RIMKLB: variants seen among roughly 807,000 people sequenced by gnomAD.
The protein encoded by RIMKLB is beta-citrylglutamate synthase B.
In RIMKLB, 7 loss-of-function variants were observed where a neutral mutation model predicts 32.0. That is an observed-to-expected ratio of 0.22 (90% CI 0.12 to 0.41). RIMKLB has a LOEUF of 0.41. Ranked by LOEUF, RIMKLB falls within the 10% of genes least tolerant of loss-of-function variation. RIMKLB has a pLI of 1.00. For synonymous variants in RIMKLB, 172 were observed against 185.1 expected (o/e 0.93, Z 0.57); for missense variants, 289 against 498.7 (o/e 0.58, Z 4.00).
chr12:8,705,581 C>G (rs1052605761), intron 1 of RIMKLB, among the ~76,000 whole-genome samples: 1 of 151,922 alleles, frequency 6.6e-6, no homozygotes, highest in Non-Finnish European at 1.5e-5. Context: ...AATTGATGCC[C>G]AGTTGTCTGA....
chr12:8,758,384 G>T (rs1219112224), intron 5 of RIMKLB, among the ~76,000 whole-genome samples: 5 of 151,922 alleles, frequency 3.3e-5, no homozygotes, highest in African/African-American at 1.2e-4. Flanking sequence ...GCCTCCCAGA[G>T]TCCAGTGATT....
At chr12:8,747,507 TA>T (rs1323087923) in intron 2 of RIMKLB, among the ~76,000 whole-genome samples, 1 of 152,134 alleles carries the variant, frequency 6.6e-6, no homozygotes, top group Non-Finnish European at 1.5e-5. Flanking sequence ...GTTAATACCA[TA>T]AAAATTAATA....
At chr12:8,756,684 CTTTTTTT>C (rs145312687) in intron 5 of RIMKLB, among the ~76,000 whole-genome samples, 153 of 90,992 alleles carry the variant, frequency 1.7e-3, no homozygotes, top group Admixed American at 3.0e-3. Context: ...TTACTTTCTA[CTTTTTTT>C]TTTTTTTTTT....
chr12:8,736,958 T>C (rs1410709939), intron 2 of RIMKLB, among the ~76,000 whole-genome samples: 1 of 152,046 alleles, frequency 6.6e-6, no homozygotes, highest in Non-Finnish European at 1.5e-5. Flanking sequence ...ATTACAGGCA[T>C]GTGCCACCAC....
rs985847825 is a variant in RIMKLB at position 8,774,343 on chromosome 12, C to A, written c.*559C>A. On this transcript the variant is annotated 3_prime_UTR_variant, in exon 6 of 6. Transcript: ENST00000535829. ...GGGATTTCTTATTTTTTTGTTTTTT[C>A]CCGCTTAATTTGGTGGGAGGTCAAA... 56 of 985,304 alleles carry A rather than the reference C, an allele frequency of 5.7e-5. No individual in the cohort carries two copies. The highest frequency in any genetic ancestry group is 1.2e-4 in the Admixed American group (2 of 16,262). 61.0% of individuals were successfully genotyped at this position (985,304 alleles called of 1,614,324 possible).
At chr12:8,765,057 C>T (rs59235894) in intron 5 of RIMKLB, among the ~76,000 whole-genome samples, 10,009 of 151,484 alleles carry the variant, frequency 0.066, 1,074 homozygotes, top group African/African-American at 0.22. Context: ...AGGCACACTT[C>T]TGAAGTTTTT....
At chr12:8,674,491 G>C in the RIMKLB span, among the ~76,000 whole-genome samples, 2 of 150,132 alleles carry the variant, frequency 1.3e-5, no homozygotes, top group African/African-American at 4.9e-5. Flanking sequence ...CGCCTGCCTC[G>C]GCCTCCCAAA....
chr12:8,729,072 C>T (rs11836262), intron 2 of RIMKLB, among the ~76,000 whole-genome samples: 39,138 of 151,870 alleles, frequency 0.26, 5,211 homozygotes, highest in South Asian at 0.27. Context: ...ATACTGGCGC[C>T]GCCACAGTGT....
chr12:8,700,640 T>C (rs1473207271), intron 1 of RIMKLB: 3 of 152,238 alleles, frequency 2.0e-5, no homozygotes, highest in African/African-American at 7.2e-5. Context: ...TGTTGCTTGC[T>C]GACAACTGTT....
intron 1 of RIMKLB, among the ~76,000 whole-genome samples, chr12:8,711,848 C>G (rs1396471744): frequency 1.3e-5 from 2 of 152,108 alleles, no homozygotes; most frequent in African/African-American, 4.8e-5. Context: ...CATAGTATGT[C>G]TTTGGGTACA....
rs778100510 is a variant in RIMKLB, at chr12:8,698,289, C to G, written c.-65C>G. The stretch of plus-strand genomic sequence containing the variant: ...CGGCCGAGAGCGAGGGAGGAGCCCC[C>G]CGACCCAGGTGAGCGGTACGACCGC... On this transcript the variant is annotated 5_prime_UTR_variant, in exon 1 of 6. Transcript: ENST00000535829. The G allele has an allele frequency of 4.3e-5, 15 of 350,272 alleles. No individual in the cohort carries two copies. The highest frequency in any genetic ancestry group is 1.7e-4 in the South Asian group (9 of 52,448). The allele number at this position is 350,272 out of a possible 1,614,324, so 21.7% of individuals were successfully genotyped here. A position where few individuals can be genotyped will look rare whatever the true frequency, so the allele number is the denominator to read the frequency against.
chr12:8,702,003 C>T (rs1329669503), intron 1 of RIMKLB, among the ~76,000 whole-genome samples: 1 of 147,836 alleles, frequency 6.8e-6, no homozygotes, highest in Non-Finnish European at 1.5e-5. Flanking sequence ...AAGACTCCAT[C>T]TCAATAAAAA....
chr12:8,763,329 A>C (rs1244633436), intron 5 of RIMKLB, among the ~76,000 whole-genome samples: 2 of 152,206 alleles, frequency 1.3e-5, no homozygotes, highest in Non-Finnish European at 2.9e-5. Context: ...GGCAAGCTTA[A>C]CACTGGGGCT....
chr12:8,753,740 A>G lies in RIMKLB; in HGVS notation c.494-150A>G, dbSNP rs187448926. ...TCTTTATATATTTTTGTATTATTTC[A>G]CTGTTAAAACAGTTCTAACAAAGAA... On this transcript the variant is annotated intron_variant, in intron 4 of 5. Coordinates refer to ENST00000535829, the MANE Select transcript of RIMKLB (RefSeq NM_001297776.2). The G allele has an allele frequency of 5.0e-5, 31 of 624,492 alleles. No homozygotes were observed. The African/African-American group carries it at 5.7e-4, about 11-fold the overall frequency. The allele number at this position is 624,492 out of a possible 1,614,324, so 38.7% of individuals were successfully genotyped here.
intron 5 of RIMKLB, among the ~76,000 whole-genome samples, chr12:8,768,881 C>A (rs1358783105): frequency 2.6e-5 from 4 of 152,198 alleles, no homozygotes; most frequent in Admixed American, 1.3e-4. Context: ...GTATGTGATT[C>A]TCTTTATTGT....
intron 2 of RIMKLB, among the ~76,000 whole-genome samples, chr12:8,736,878 C>T (rs972312617): frequency 1.3e-5 from 2 of 152,170 alleles, no homozygotes; most frequent in Non-Finnish European, 2.9e-5. Context: ...ATGGCACGAT[C>T]TCTGCTCACT....
rs1950715663 is a variant in RIMKLB, at chr12:8,776,194, A to G, written c.*2410A>G. ...TTAACTTATACCAAATTAACCAACT[A>G]TATTATAGGAAATATGTGAAATTAG... On this transcript the variant is annotated 3_prime_UTR_variant, in exon 6 of 6. Coordinates refer to ENST00000535829, the MANE Select transcript of RIMKLB (RefSeq NM_001297776.2). 6.1e-6 allele frequency: 6 copies of G among 982,310 alleles called. No individual in the cohort carries two copies. Among genetic ancestry groups the G allele is most frequent in the Admixed American group, 6.2e-5 (1 of 16,254 alleles). The allele number at this position is 982,310 out of a possible 1,614,324, so 60.8% of individuals were successfully genotyped here.
chr12:8,671,458 C>T, the RIMKLB span, among the ~76,000 whole-genome samples: 1 of 152,082 alleles, frequency 6.6e-6, no homozygotes, highest in Non-Finnish European at 1.5e-5. Flanking sequence ...CCATGTTGGT[C>T]ACGCTGTTCT....
chr12:8,720,816 A>C (rs896574189), intron 2 of RIMKLB, among the ~76,000 whole-genome samples: 2 of 152,158 alleles, frequency 1.3e-5, no homozygotes, highest in African/African-American at 4.8e-5. Context: ...CTGGGATTAC[A>C]GGCATGAGCC....
Sources: gnomAD v4.1 joint callset for allele counts (sites outside exome capture counted in the v4.1 genomes callset) on GRCh38, gnomAD v4.1.1 for gene constraint, MANE v1.5 for transcripts, NCBI Gene and HGNC (gene_info 2026-07-23, HGNC 2026-07-21) for gene names.